The following STIM2 variants were observed in gnomAD, a reference collection of about 807,000 sequenced individuals.
The protein encoded by STIM2 is stromal interaction molecule 2.
A neutral mutation model predicts 85.8 loss-of-function variants in STIM2; 31 were observed. The ratio of observed to expected loss-of-function variants is 0.36; its 90% CI spans 0.27 to 0.49. The LOEUF (loss-of-function observed/expected upper bound fraction) is 0.49, where lower values mean the gene tolerates loss of function less well. STIM2 is among the 20% of genes least tolerant of loss of function. The pLI is 0.98. For missense variants in STIM2, 841 were observed against 927.6 expected, an observed-to-expected ratio of 0.91 and a Z score of 1.21; for synonymous variants, 356 against 331.1, an observed-to-expected ratio of 1.08 and a Z score of -0.82.
chr4:27,016,829 A>G, intron 10 of STIM2, among the ~76,000 whole-genome samples: 1 of 152,216 alleles, frequency 6.6e-6, no homozygotes, highest in East Asian at 1.9e-4. Context: ...ATGTCCAGGA[A>G]GTGACTAGTG....
At chr4:26,905,247 T>C (rs1213844814) in intron 1 of STIM2, among the ~76,000 whole-genome samples, 1 of 152,182 alleles carries the variant, frequency 6.6e-6, no homozygotes, top group Non-Finnish European at 1.5e-5. Flanking sequence ...ATTAGCCATA[T>C]TGAGATAAAA....
intron 2 of STIM2, among the ~76,000 whole-genome samples, chr4:26,929,749 A>G (rs947658251): frequency 3.9e-5 from 6 of 152,108 alleles, no homozygotes; most frequent in African/African-American, 1.4e-4. Context: ...AGATACTCAA[A>G]TAGTTGCTTG....
chr4:26,985,194 GAGTT>G (rs958578357), intron 3 of STIM2, among the ~76,000 whole-genome samples: 8 of 152,140 alleles, frequency 5.3e-5, no homozygotes, highest in African/African-American at 1.9e-4. Flanking sequence ...AAAATCAACT[GAGTT>G]AGGATGAAAT....
rs564252485 is a variant in STIM2 at position 26,978,324 on chromosome 4, T to TTA, written c.398-17045_398-17044dup. 2.4e-4 allele frequency among the ~76,000 whole-genome samples: 35 copies of TTA among 148,324 alleles called. No homozygotes were observed. The East Asian group carries it at 6.5e-3, about 27-fold the overall frequency. ...ATAAATCTATATATATGAATATATA[T>TTA]TATATATATATGGAATGACCCAGTT... is the stretch of plus-strand genomic sequence containing the variant. On this transcript the variant is annotated intron_variant, in intron 3 of 11. Coordinates refer to ENST00000467087, the MANE Select transcript of STIM2 (RefSeq NM_020860.4).
chr4:26,903,223 G>T (rs971758394), intron 1 of STIM2, among the ~76,000 whole-genome samples: 1 of 152,162 alleles, frequency 6.6e-6, no homozygotes, highest in East Asian at 1.9e-4. Flanking sequence ...CTAGTCTGTT[G>T]CCCTTAAATC....
intron 1 of STIM2, among the ~76,000 whole-genome samples, chr4:26,900,156 C>T (rs1723863817): frequency 1.3e-5 from 2 of 152,138 alleles, no homozygotes; most frequent in African/African-American, 4.8e-5. Context: ...ATAGAAGCCA[C>T]AGAAGCTAGA....
chr4:26,869,606 G>A (rs1293721535), intron 1 of STIM2, among the ~76,000 whole-genome samples: 1 of 152,006 alleles, frequency 6.6e-6, no homozygotes, highest in Non-Finnish European at 1.5e-5. Context: ...ATAGCTCACT[G>A]CAGCCTCAAA....
intron 1 of STIM2, among the ~76,000 whole-genome samples, chr4:26,880,320 CT>C (rs1201202245): frequency 2.0e-5 from 3 of 151,932 alleles, no homozygotes; most frequent in Middle Eastern, 3.2e-3. Context: ...TTTTTCAGGA[CT>C]TTTTTTGGTG....
chr4:26,879,503 A>G (rs1322926343), intron 1 of STIM2, among the ~76,000 whole-genome samples: 1 of 152,112 alleles, frequency 6.6e-6, no homozygotes, highest in Admixed American at 6.6e-5. Context: ...TATTATTACT[A>G]TGAATTCTGA....
At chr4:26,911,228 C>G (rs1327673237) in intron 1 of STIM2, among the ~76,000 whole-genome samples, 2 of 130,020 alleles carry the variant, frequency 1.5e-5, no homozygotes, top group East Asian at 4.0e-4. Context: ...CAGTGTGTCT[C>G]AAAAAATAAA....
At chr4:26,915,246 A>AT (rs1422501366) in intron 1 of STIM2, among the ~76,000 whole-genome samples, 1 of 151,962 alleles carries the variant, frequency 6.6e-6, no homozygotes, top group Non-Finnish European at 1.5e-5. Flanking sequence ...ATTTATATAT[A>AT]TTTTTTGAGA....
intron 8 of STIM2, 55 bp from the exon 9 acceptor site, chr4:27,008,373 A>C (rs1449394294): frequency 9.0e-7 from 1 of 1,110,452 alleles, no homozygotes; most frequent in South Asian, 1.6e-5. Context: ...TATATATACA[A>C]AAATGTCTGT....
chr4:26,965,631 T>C (rs904321896), intron 3 of STIM2, among the ~76,000 whole-genome samples: 1 of 152,126 alleles, frequency 6.6e-6, no homozygotes, highest in Admixed American at 6.6e-5. Context: ...TTTTCTTCTT[T>C]TTCTCTTTCT....
intron 1 of STIM2, among the ~76,000 whole-genome samples, chr4:26,885,869 A>ATATATATATATATATATATATATATC: frequency 9.5e-6 from 1 of 105,210 alleles, no homozygotes; most frequent in South Asian, 3.1e-4. Flanking sequence ...ATATATATAT[A>ATATATATATATATATATATATATATC]TATATGTATA....
rs373220365 is a variant in STIM2, at chr4:26,919,505, T to C, written c.153T>C (p.Asp51=). 6 of 1,613,354 alleles carry C rather than the reference T, an allele frequency of 3.7e-6. No individual in the cohort carries two copies. Among genetic ancestry groups the C allele is most frequent in the Non-Finnish European group, 5.1e-6 (6 of 1,179,638 alleles). ...TAATTGCCCTTTGTTCTCTTTCAGATCCCTGCATGTCACTGAGTCCACCAT... is the reference window on the plus strand; with the variant it reads ...TAATTGCCCTTTGTTCTCTTTCAGACCCCTGCATGTCACTGAGTCCACCAT... The change falls in exon 2 of 12, where the codon GAT becomes GAC. Residue 51 remains aspartate (D), a splice_region_variant and synonymous_variant. Coordinates refer to ENST00000467087, the MANE Select transcript of STIM2 (RefSeq NM_020860.4).
chr4:26,862,781 A>G (rs1722266983), intron 1 of STIM2, among the ~76,000 whole-genome samples: 1 of 152,220 alleles, frequency 6.6e-6, no homozygotes, highest in Non-Finnish European at 1.5e-5. Context: ...AGACAGCTTT[A>G]TGCTTGAATA....
At position 26,890,324 on chromosome 4, in the gene STIM2, T is replaced by C. The variant is rs141164835; in HGVS notation, c.151+28955T>C. Among the ~76,000 whole-genome samples the C allele has an allele frequency of 4.6e-3, 705 of 152,310 alleles. 29 individuals carry two copies. The highest frequency in any genetic ancestry group is 0.042 in the Admixed American group (641 of 15,302). On this transcript the variant is annotated intron_variant, in intron 1 of 11. Transcript: ENST00000467087. ...ATTTGTACAACTTCTTCATATAACT[T>C]ACTTGAACCTTCAGGGCCTGCTTGA...
intron 4 of STIM2, among the ~76,000 whole-genome samples, chr4:26,996,882 C>A (rs1174624572): frequency 7.9e-5 from 12 of 152,060 alleles, no homozygotes; most frequent in Admixed American, 7.9e-4. Context: ...ATAGGCTAAT[C>A]TGAGTTTTGA....
At chr4:26,893,755 T>C (rs1723587906) in intron 1 of STIM2, among the ~76,000 whole-genome samples, 1 of 124,834 alleles carries the variant, frequency 8.0e-6, no homozygotes, top group Non-Finnish European at 1.6e-5. Flanking sequence ...GTCACGAACA[T>C]TGGTATTAAA....
Sources: gnomAD v4.1 joint callset for allele counts (sites outside exome capture counted in the v4.1 genomes callset) on GRCh38, gnomAD v4.1.1 for gene constraint, MANE v1.5 for transcripts, NCBI Gene and HGNC (gene_info 2026-07-23, HGNC 2026-07-21) for gene names.